The following CUBN variants were observed in gnomAD, a reference collection of about 807,000 sequenced individuals.
CUBN encodes the protein 460 kDa receptor.
In CUBN, 282 loss-of-function variants were observed where a neutral mutation model predicts 405.3. That is an observed-to-expected ratio of 0.70 (90% CI 0.63 to 0.77). CUBN has a LOEUF of 0.77. Ranked by LOEUF, CUBN falls within the 30% of genes least tolerant of loss-of-function variation. The probability of loss-of-function intolerance (pLI) is 0.00; values close to 1 mark genes in which losing one functional copy is unlikely to be tolerated. For synonymous variants in CUBN, 1,684 were observed against 1,617.0 expected, an observed-to-expected ratio of 1.04 and a Z score of -0.99; for missense variants, 4,514 against 4,475.2, an observed-to-expected ratio of 1.01 and a Z score of -0.25.
chr10:17,007,428 A>G (rs1458319000), intron 28 of CUBN, among the ~76,000 whole-genome samples: 1 of 152,166 alleles, frequency 6.6e-6, no homozygotes, highest in Non-Finnish European at 1.5e-5. Context: ...CCGTTTTCTT[A>G]AAGCCAATAG....
chr10:16,948,484 C>G lies in CUBN; in HGVS notation c.5203G>C (p.Val1735Leu). 6.2e-7 allele frequency: 1 copy of G among 1,613,996 alleles called. No homozygotes were observed. Among genetic ancestry groups the G allele is most frequent in the Non-Finnish European group, 8.5e-7 (1 of 1,179,948 alleles). ...GGFHTTVTAS[V>L]SACGGTFYMA... The stretch of plus-strand genomic sequence containing the variant: ...AGGTGCTAGGGTTTCTTACCCGACA[C>G]TGATGCGGTGACCGTGGTGTGGAAA... The change falls in exon 35 of 67, where the codon GTG (valine) becomes CTG (leucine). Residue 1735 changes from valine to leucine, a missense_variant. This residue lies in a region of CUBN where 1,613 missense variants were observed against 1,542.8 expected (regional missense o/e 1.05). Transcript: ENST00000377833.
chr10:17,111,112 A>G, intron 8 of CUBN, 62 bp from the exon 9 acceptor site: 1 of 1,575,258 alleles, frequency 6.3e-7, no homozygotes, highest in Non-Finnish European at 8.7e-7. Context: ...GAAGAAATAC[A>G]AGAGTCAAAA....
At chr10:16,955,195 A>C (rs1843020258) in intron 31 of CUBN, among the ~76,000 whole-genome samples, 1 of 151,026 alleles carries the variant, frequency 6.6e-6, no homozygotes, top group African/African-American at 2.4e-5. Flanking sequence ...ACATGGCGAG[A>C]CCCCCGTCTC....
chr10:17,077,313 A>C (rs1053261514), intron 17 of CUBN, among the ~76,000 whole-genome samples: 7 of 152,160 alleles, frequency 4.6e-5, no homozygotes, highest in Admixed American at 1.3e-4. Context: ...ATAAAAAAAA[A>C]CGAGTTTTTG....
At chr10:16,895,082 T>C (rs913076905) in intron 54 of CUBN, among the ~76,000 whole-genome samples, 12 of 152,302 alleles carry the variant, frequency 7.9e-5, no homozygotes, top group Non-Finnish European at 1.3e-4. Flanking sequence ...TTTTGGCCTG[T>C]TGTTTTAATT....
Position 16,899,134 on chromosome 10 carries a change from G to A in CUBN, c.8460C>T (p.His2820=). The A allele has an allele frequency of 1.2e-6, 2 of 1,614,038 alleles. No individual in the cohort carries two copies. The highest frequency in any genetic ancestry group is 1.7e-6 in the Non-Finnish European group (2 of 1,179,886). The change falls in exon 54 of 67, where the codon CAC becomes CAT. Residue 2820 remains histidine (H), a synonymous_variant. Transcript: ENST00000377833. ...HSDNGTIRSP[H]WPQNFPENSR... ...TGTTTTCGGGAAAATTCTGAGGCCA[G>A]TGAGGGGATCTGATTGTACCATTAT... is the stretch of plus-strand genomic sequence containing the variant.
intron 14 of CUBN, among the ~76,000 whole-genome samples, chr10:17,098,020 T>C (rs1836412270): frequency 6.6e-6 from 1 of 152,134 alleles, no homozygotes. Context: ...GCTGAAAAAT[T>C]CCCACGCAGC....
chr10:16,833,812 T>A (rs1839085628), intron 64 of CUBN, among the ~76,000 whole-genome samples: 1 of 152,136 alleles, frequency 6.6e-6, no homozygotes, highest in African/African-American at 2.4e-5. Context: ...GTACATTTCT[T>A]TATGCTACAA....
chr10:16,852,322 T>C (rs1839736831), intron 59 of CUBN, among the ~76,000 whole-genome samples: 1 of 128,904 alleles, frequency 7.8e-6, no homozygotes, highest in Non-Finnish European at 1.6e-5. Flanking sequence ...TTTCCATCCC[T>C]CCCTCCATCT....
chr10:17,026,252 A>G (rs12146414), intron 27 of CUBN, among the ~76,000 whole-genome samples: 18,897 of 152,238 alleles, frequency 0.12, 1,561 homozygotes, highest in African/African-American at 0.23. Flanking sequence ...ATCTCCTGGA[A>G]AAACTTGGAA....
chr10:16,957,826 T>A (rs1254834491), intron 31 of CUBN, among the ~76,000 whole-genome samples: 1 of 151,608 alleles, frequency 6.6e-6, no homozygotes, highest in Non-Finnish European at 1.5e-5. Context: ...GGAATCAACC[T>A]AAGTGTCTAG....
At chr10:17,062,839 C>T (rs184436432) in intron 22 of CUBN, among the ~76,000 whole-genome samples, 1 of 152,336 alleles carries the variant, frequency 6.6e-6, no homozygotes, top group African/African-American at 2.4e-5. Context: ...AACATTACTG[C>T]TCTGGAAATA....
At position 16,990,469 on chromosome 10, in the gene CUBN, G is replaced by A. The variant is rs551577066; in HGVS notation, c.4215C>T (p.Pro1405=). 3.5e-5 allele frequency: 57 copies of A among 1,614,124 alleles called. No homozygotes were observed. The highest frequency in any genetic ancestry group is 8.0e-5 in the African/African-American group (6 of 75,038). ...TTGGTGGATACCTGTTGGGGAACCC[G>A]GGGCTGCTGAAGGAGCCTGTGGCCC... ...LSGATGSFSS[P]GFPNRYPPNK... Residue 1405 remains proline (P), a synonymous_variant, in exon 29 of 67, where the codon CCC becomes CCT. Transcript: ENST00000377833.
In CUBN at chr10:17,001,668, CAATT is replaced by C. The variant is rs1466834238; in HGVS notation, c.4169-11157_4169-11154del. Among the ~76,000 whole-genome samples, 6 of 152,310 alleles carry C rather than the reference CAATT, an allele frequency of 3.9e-5. No individual in the cohort carries two copies. In the East Asian group the frequency reaches 5.8e-4, roughly 15 times the overall value. ...ACAACAGTAATAGTGAATGAGATGT[CAATT>C]AAACCAATGCACTAAGCGTTTAATC... On this transcript the variant is annotated intron_variant, in intron 28 of 66. Transcript: ENST00000377833.
chr10:16,860,317 G>T (rs898172526), intron 59 of CUBN, among the ~76,000 whole-genome samples: 1 of 151,922 alleles, frequency 6.6e-6, no homozygotes, highest in Non-Finnish European at 1.5e-5. Flanking sequence ...AACATATCAC[G>T]CAAATATGAA....
At chr10:17,034,760 G>T (rs1326734173) in intron 27 of CUBN, among the ~76,000 whole-genome samples, 1 of 152,138 alleles carries the variant, frequency 6.6e-6, no homozygotes, top group East Asian at 1.9e-4. Context: ...AAACACTAAT[G>T]TACCAAAAGA....
At chr10:17,122,556 G>C (rs534388637) in intron 6 of CUBN, 1 of 563,540 alleles carries the variant, frequency 1.8e-6, no homozygotes. Flanking sequence ...GCCTTCTTCC[G>C]GTTCCTTGGG....
intron 45 of CUBN, 138 bp from the exon 46 acceptor site, chr10:16,916,168 T>C (rs1471140813): frequency 1.3e-6 from 1 of 754,692 alleles, no homozygotes; most frequent in Non-Finnish European, 2.1e-6. Context: ...AATTGAAGTT[T>C]TAAAAATTCT....
rs1245176406 is a variant in CUBN at position 16,851,414 on chromosome 10, T to G, written c.9484A>C (p.Thr3162Pro). ...GAGGCAAAGGTATTATTCGAGCCTG[T>G]CAGATAACCACCACATCCTTGCTGA... ...GPQQGCGGYLTGSNNTFASPD... is the reference protein window; with the variant it reads ...GPQQGCGGYLPGSNNTFASPD... The change falls in exon 60 of 67, where the codon ACA becomes CCA. Residue 3162 changes from threonine to proline, a missense_variant. By Grantham distance (38) the Thr-to-Pro change is conservative. Around this residue, in one of 5 missense-constraint regions of CUBN, gnomAD observed 1,186 missense variants for 1,186.9 expected, o/e 1.00. Coordinates refer to ENST00000377833, the MANE Select transcript of CUBN (RefSeq NM_001081.4). 6.2e-7 allele frequency: 1 copy of G among 1,614,122 alleles called. No homozygotes were observed. Among genetic ancestry groups the G allele is most frequent in the Non-Finnish European group, 8.5e-7 (1 of 1,180,004 alleles).
Sources: allele counts gnomAD v4.1 joint callset (sites outside exome capture counted in the v4.1 genomes callset), GRCh38; gene constraint gnomAD v4.1.1; regional missense constraint gnomAD v4.1.1; transcripts MANE v1.5; gene names NCBI Gene and HGNC (gene_info 2026-07-23, HGNC 2026-07-21).